SNAP91: variants seen among roughly 807,000 people sequenced by gnomAD.
SNAP91 encodes the protein clathrin coat assembly protein AP180.
A neutral mutation model predicts 100.3 loss-of-function variants in SNAP91; 27 were observed. The ratio of observed to expected loss-of-function variants is 0.27; its 90% CI spans 0.20 to 0.37. The LOEUF (loss-of-function observed/expected upper bound fraction) is 0.37. Ranked by LOEUF, SNAP91 falls within the 10% of genes least tolerant of loss-of-function variation. The pLI is 1.00. For missense variants in SNAP91, 986 were observed against 1,123.7 expected (o/e 0.88, Z 1.75); for synonymous variants, 404 against 398.6 (o/e 1.01, Z -0.16).
rs1348042744 is a variant in SNAP91, at chr6:83,575,030, C to T, written c.2422G>A (p.Val808Ile). ...CATACCAAAGGTGCACTTGGTGGAA[C>T]GCCTGCTGACCAGGTTGCTGGAGCT... The part of the protein sequence containing the change: ...KVAPATWSAG[V>I]PPSAPLQGAV... The change falls in exon 26 of 30, where the codon GTT becomes ATT. Residue 808 changes from valine (V) to isoleucine (I), a missense_variant. This residue lies in a region of SNAP91 where 575 missense variants were observed against 579.9 expected (regional missense o/e 0.99). Transcript: ENST00000369694. 43 of 1,596,672 alleles carry T rather than the reference C, an allele frequency of 2.7e-5. No homozygotes were observed. Among genetic ancestry groups the T allele is most frequent in the Non-Finnish European group, 3.5e-5 (41 of 1,170,900 alleles).
intron 8 of SNAP91, among the ~76,000 whole-genome samples, chr6:83,637,161 A>G (rs868152212): frequency 6.6e-6 from 1 of 152,182 alleles, no homozygotes; most frequent in Non-Finnish European, 1.5e-5. Flanking sequence ...GGGCCAAGAG[A>G]TAAGTCTCAG....
At chr6:83,697,148 C>A (rs2099225857) in intron 2 of SNAP91, among the ~76,000 whole-genome samples, 1 of 151,986 alleles carries the variant, frequency 6.6e-6, no homozygotes, top group South Asian at 2.1e-4. Context: ...AATAGTATCA[C>A]CAATAACTTA....
chr6:83,672,603 G>T (rs182585139), intron 2 of SNAP91, among the ~76,000 whole-genome samples: 25 of 152,110 alleles, frequency 1.6e-4, no homozygotes, highest in Admixed American at 1.5e-3. Flanking sequence ...TGTATTTATG[G>T]ATCCCTAGTA....
chr6:83,585,742 C>T (rs551647728), intron 22 of SNAP91, among the ~76,000 whole-genome samples: 1 of 151,998 alleles, frequency 6.6e-6, no homozygotes, highest in African/African-American at 2.4e-5. Flanking sequence ...AGCCCACACT[C>T]TTAATGAAGT....
chr6:83,636,226 G>A (rs2097440105), intron 8 of SNAP91, among the ~76,000 whole-genome samples: 1 of 152,110 alleles, frequency 6.6e-6, no homozygotes, highest in Non-Finnish European at 1.5e-5. Flanking sequence ...GCAAGACTGG[G>A]TAAATTTTTG....
intron 7 of SNAP91, among the ~76,000 whole-genome samples, chr6:83,641,943 T>A (rs990714275): frequency 6.6e-6 from 1 of 152,130 alleles, no homozygotes; most frequent in Non-Finnish European, 1.5e-5. Flanking sequence ...TATGAGAGTA[T>A]AATTTTTCCA....
chr6:83,565,615 AGG>A (rs1376127190), intron 26 of SNAP91, among the ~76,000 whole-genome samples: 2 of 152,128 alleles, frequency 1.3e-5, no homozygotes, highest in African/African-American at 2.4e-5. Context: ...AGAGTGTAGG[AGG>A]GTAGTAGGAA....
intron 7 of SNAP91, among the ~76,000 whole-genome samples, chr6:83,647,329 T>G (rs2097972815): frequency 6.6e-6 from 1 of 152,200 alleles, no homozygotes; most frequent in African/African-American, 2.4e-5. Flanking sequence ...GCTATTAAGT[T>G]TTTTGTACAT....
At chr6:83,650,619 T>A (rs1429543258) in intron 7 of SNAP91, among the ~76,000 whole-genome samples, 2 of 152,124 alleles carry the variant, frequency 1.3e-5, no homozygotes, top group Non-Finnish European at 2.9e-5. Flanking sequence ...GGTTTCACCA[T>A]CTTGGCCAGG....
chr6:83,665,439 C>G lies in SNAP91; in HGVS notation c.273G>C (p.Glu91Asp). The G allele has an allele frequency of 6.2e-7, 1 of 1,610,176 alleles. No individual in the cohort carries two copies. The highest frequency in any genetic ancestry group is 8.5e-7 in the Non-Finnish European group (1 of 1,178,190). The change falls in exon 3 of 30, where the codon GAG (glutamate) becomes GAC (aspartate). Residue 91 changes from glutamate (E) to aspartate (D), a missense_variant and splice_region_variant. Physicochemically the swap from Glu to Asp is conservative, Grantham distance 45. Transcript: ENST00000369694. ...AAAAAGAAAAGTTTACTTAGTTTAC[C>G]TCATTTCCATGCACCATGAGATGAT... ...TTHHLMVHGN[E>D]RFIQYLASRN... is the part of the protein sequence containing the mutation.
intron 8 of SNAP91, among the ~76,000 whole-genome samples, chr6:83,635,527 T>C (rs1217052098): frequency 2.6e-5 from 4 of 152,182 alleles, no homozygotes; most frequent in African/African-American, 9.7e-5. Flanking sequence ...TTTTGTTTTC[T>C]ATTGGGATGG....
intron 22 of SNAP91, among the ~76,000 whole-genome samples, chr6:83,587,418 G>C (rs545036299): frequency 1.3e-5 from 2 of 152,194 alleles, no homozygotes; most frequent in African/African-American, 2.4e-5. Flanking sequence ...GGATTCTAGA[G>C]AATCTTTTTC....
intron 14 of SNAP91, among the ~76,000 whole-genome samples, chr6:83,603,573 T>C (rs540459886): frequency 3.9e-5 from 6 of 151,994 alleles, no homozygotes; most frequent in African/African-American, 1.4e-4. Context: ...TTTACTGTCT[T>C]ATGGCTAAAA....
At chr6:83,646,114 G>C (rs2097908301) in intron 7 of SNAP91, among the ~76,000 whole-genome samples, 1 of 152,042 alleles carries the variant, frequency 6.6e-6, no homozygotes, top group African/African-American at 2.4e-5. Context: ...TGTATATTTT[G>C]GACAACAGTC....
chr6:83,617,143 G>T (rs1053002331), intron 9 of SNAP91, 104 bp from the exon 10 acceptor site: 4 of 600,828 alleles, frequency 6.7e-6, no homozygotes, highest in African/African-American at 3.8e-5. Flanking sequence ...GATGGACCCC[G>T]ATATATATGT....
chr6:83,680,960 C>G (rs1429536948), intron 2 of SNAP91, among the ~76,000 whole-genome samples: 1 of 152,022 alleles, frequency 6.6e-6, no homozygotes, highest in Non-Finnish European at 1.5e-5. Context: ...TGGTTGTGGC[C>G]AAATGACCAT....
chr6:83,636,714 T>C (rs2097465226), intron 8 of SNAP91, among the ~76,000 whole-genome samples: 1 of 152,230 alleles, frequency 6.6e-6, no homozygotes, highest in Non-Finnish European at 1.5e-5. Context: ...TGCCATCCTT[T>C]AGAGGTAAAC....
At chr6:83,560,357 A>T in intron 27 of SNAP91, 149 bp from the exon 28 acceptor site, 1 of 649,338 alleles carries the variant, frequency 1.5e-6, no homozygotes, top group East Asian at 2.8e-5. Flanking sequence ...ATTAGGGATA[A>T]TGTGAGGCTG....
At chr6:83,584,025 G>A (rs914241882) in intron 22 of SNAP91, among the ~76,000 whole-genome samples, 22 of 152,258 alleles carry the variant, frequency 1.4e-4, no homozygotes, top group African/African-American at 3.4e-4. Context: ...TGAAGAAGAC[G>A]TTCTCTAAAT....
Sources: gnomAD v4.1 joint callset for allele counts (sites outside exome capture counted in the v4.1 genomes callset) on GRCh38, gnomAD v4.1.1 for gene constraint, gnomAD v4.1.1 regional missense constraint, MANE v1.5 for transcripts, NCBI Gene and HGNC (gene_info 2026-07-23, HGNC 2026-07-21) for gene names.